Variants in GLT8D1 observed in about 807,000 individuals in gnomAD.
GLT8D1 encodes glycosyltransferase 8 domain containing 1.
A neutral mutation model predicts 46.2 loss-of-function variants in GLT8D1; 41 were observed. The observed-to-expected ratio is 0.89, with a 90% confidence interval of 0.69 to 1.15. The LOEUF is 1.15. Ranked by LOEUF, GLT8D1 falls within the 50% of genes most tolerant of loss-of-function variation. The pLI is 0.00. For missense variants in GLT8D1, 408 were observed against 449.3 expected, an observed-to-expected ratio of 0.91 and a Z score of 0.83; for synonymous variants, 150 against 154.2, an observed-to-expected ratio of 0.97 and a Z score of 0.20.
rs773644788 is a variant in GLT8D1 at position 52,696,601 on chromosome 3, G to T, written c.388C>A (p.Pro130Thr). 6 of 1,611,910 alleles carry T rather than the reference G, an allele frequency of 3.7e-6. No individual in the cohort carries two copies. The highest frequency in any genetic ancestry group is 5.1e-6 in the Non-Finnish European group (6 of 1,178,186). The change falls in exon 5 of 10, where the codon CCT (proline) becomes ACT (threonine). Residue 130 changes from proline to threonine, a missense_variant. Transcript: ENST00000266014. ...SIRYKIVNFD[P>T]KLLEGKVKED... Reference sequence around the variant, plus strand: ...TTTACTTTTCCTTCCAAAAGTTTAGGGTCAAAATTGACAATTTTGTATCTG... The same window carrying T: ...TTTACTTTTCCTTCCAAAAGTTTAGTGTCAAAATTGACAATTTTGTATCTG...
chr3:52,696,698 T>C lies in GLT8D1; in HGVS notation c.330-39A>G, dbSNP rs377675634. On this transcript the variant is annotated intron_variant, in intron 4 of 9. Transcript: ENST00000266014. ...AACACTACATTTTAGTTTCAAATAA[T>C]GTCTCCAAACCAATGAGGGAATAAT... is the stretch of plus-strand genomic sequence containing the variant. 11 of 1,123,328 alleles carry C rather than the reference T, an allele frequency of 9.8e-6. No individual in the cohort carries two copies. The South Asian group carries it at 1.4e-4, about 14-fold the overall frequency. The allele number at this position is 1,123,328 out of a possible 1,614,324, so 69.6% of individuals were successfully genotyped here.
intron 3 of GLT8D1, 30 bp downstream of exon 3, chr3:52,700,232 C>A: frequency 7.3e-7 from 1 of 1,371,990 alleles, no homozygotes; most frequent in South Asian, 1.2e-5. Flanking sequence ...GCAACAGATT[C>A]TAAGGCATTA....
chr3:52,703,789 A>G (rs969949240), intron 1 of GLT8D1: 1 of 152,224 alleles, frequency 6.6e-6, no homozygotes, highest in African/African-American at 2.4e-5. Flanking sequence ...AAACTTCCAC[A>G]GTTACCTACA....
Position 52,697,926 on chromosome 3 carries a change from T to C in GLT8D1, c.124A>G (p.Ile42Val). ...AAGTCTATAGGTTGAGGCCCTACAA[T>C]TCCTGAATCTGAAAACACAAGGAAG... ...LLRNEVTDSG[I>V]VGPQPIDFVP... The change falls in exon 4 of 10, where the codon ATT (isoleucine) becomes GTT (valine). Residue 42 changes from isoleucine to valine, a missense_variant. By Grantham distance (29) the Ile-to-Val change is conservative. Transcript: ENST00000266014. 6.2e-7 allele frequency: 1 copy of C among 1,605,750 alleles called. No individual in the cohort carries two copies. Among genetic ancestry groups the C allele is most frequent in the Non-Finnish European group, 8.5e-7 (1 of 1,172,382 alleles).
At chr3:52,698,780 AT>A (rs556608140) in intron 3 of GLT8D1, among the ~76,000 whole-genome samples, 269 of 145,132 alleles carry the variant, frequency 1.9e-3, no homozygotes, top group Middle Eastern at 3.5e-3. Context: ...CTTGCCTTTC[AT>A]TTTTTTTTTT....
intron 1 of GLT8D1, chr3:52,705,090 TGGGACCCAGA>T (rs1340377539): frequency 6.6e-6 from 1 of 152,316 alleles, no homozygotes; most frequent in African/African-American, 2.4e-5. Context: ...GAGAGCCAGC[TGGGACCCAGA>T]GGCCCGGGTT....
Position 52,697,650 on chromosome 3 carries a change from CAG to C in GLT8D1, c.329+69_329+70del, listed in dbSNP as rs2097335167. On this transcript the variant is annotated intron_variant, in intron 4 of 9. Transcript: ENST00000266014. ...AAACAACATACAAACCACAGAAAAA[CAG>C]ATCCTGGATTGGCAGCTGGCCTGCT... 12 of 997,782 alleles carry C rather than the reference CAG, an allele frequency of 1.2e-5. No individual in the cohort carries two copies. In the South Asian group the frequency reaches 1.5e-4, roughly 13 times the overall value. The allele number at this position is 997,782 out of a possible 1,614,324, so 61.8% of individuals were successfully genotyped here. A position where few individuals can be genotyped will look rare whatever the true frequency, so the allele number is the denominator to read the frequency against.
intron 4 of GLT8D1, among the ~76,000 whole-genome samples, chr3:52,697,207 C>T (rs1437412695): frequency 6.6e-6 from 1 of 152,166 alleles, no homozygotes; most frequent in Non-Finnish European, 1.5e-5. Context: ...ATTTGTTAGA[C>T]CAACAAATTT....
At chr3:52,699,010 C>A (rs1318073347) in intron 3 of GLT8D1, among the ~76,000 whole-genome samples, 2 of 151,882 alleles carry the variant, frequency 1.3e-5, no homozygotes, top group East Asian at 1.9e-4. Context: ...CCTGTGGAAA[C>A]AAATTAATAG....
intron 1 of GLT8D1, chr3:52,703,982 T>C (rs1159750728): frequency 6.6e-6 from 1 of 152,202 alleles, no homozygotes; most frequent in Non-Finnish European, 1.5e-5. Context: ...ACAATTTGAT[T>C]AGCAACACAG....
intron 5 of GLT8D1, 94 bp from the exon 6 acceptor site, chr3:52,696,412 G>A: frequency 1.9e-6 from 2 of 1,051,720 alleles, no homozygotes; most frequent in Non-Finnish European, 3.0e-6. Context: ...ACCCATTCAG[G>A]AGAAGAAAGG....
chr3:52,695,552 T>C lies in GLT8D1; in HGVS notation c.681A>G (p.Glu227=). Reference sequence around the variant, plus strand: ...CTTTCATGGAAAGCTTACGAATTCTTTCCTTTTTATAGTCAAGATAGCCAA... The same window carrying C: ...CTTTCATGGAAAGCTTACGAATTCTCTCCTTTTTATAGTCAAGATAGCCAA... ...NYIGYLDYKK[E]RIRKLSMKAS... is the part of the protein sequence containing the mutation. The change falls in exon 8 of 10, where the codon GAA becomes GAG. Residue 227 remains glutamate (E), a synonymous_variant. Transcript: ENST00000266014. 1 of 1,609,808 alleles carries C rather than the reference T, an allele frequency of 6.2e-7. No homozygotes were observed. The highest frequency in any genetic ancestry group is 8.5e-7 in the Non-Finnish European group (1 of 1,176,114).
At chr3:52,699,446 A>G (rs936746848) in intron 3 of GLT8D1, among the ~76,000 whole-genome samples, 2 of 151,936 alleles carry the variant, frequency 1.3e-5, no homozygotes, top group African/African-American at 2.4e-5. Flanking sequence ...CACCACGCCC[A>G]GCTAATTTTT....
chr3:52,698,690 AAAAAG>A (rs2097336523), intron 3 of GLT8D1, among the ~76,000 whole-genome samples: 1 of 152,112 alleles, frequency 6.6e-6, no homozygotes, highest in Non-Finnish European at 1.5e-5. Context: ...TCAAAAAAAA[AAAAAG>A]AAAACTGAAT....
chr3:52,696,447 TC>T (rs2097333697), intron 5 of GLT8D1, 94 bp downstream of exon 5: 2 of 999,268 alleles, frequency 2.0e-6, no homozygotes, highest in Non-Finnish European at 1.6e-6. Context: ...CCAGGCTTGG[TC>T]CCCAGGAAAC....
At chr3:52,696,467 C>G (rs544681823) in intron 5 of GLT8D1, 75 bp downstream of exon 5, 2 of 1,021,700 alleles carry the variant, frequency 2.0e-6, no homozygotes, top group Middle Eastern at 2.1e-4. Context: ...ACTACTTGCA[C>G]TATACCCACA....
intron 9 of GLT8D1, 44 bp from the exon 10 acceptor site, chr3:52,695,079 A>C: frequency 6.6e-7 from 1 of 1,506,968 alleles, no homozygotes. Flanking sequence ...CGCCATGTGA[A>C]ATTGTGCAGA....
In GLT8D1 at chr3:52,696,624, C is replaced by G. The variant is rs2097333932; in HGVS notation, c.365G>C (p.Arg122Thr). ...WLNSDSLKSIRYKIVNFDPKL... is the reference protein window; with the variant it reads ...WLNSDSLKSITYKIVNFDPKL... The stretch of plus-strand genomic sequence containing the variant: ...AGGGTCAAAATTGACAATTTTGTAT[C>G]TGATGCTTTTCAGGGAATCACTGTT... Residue 122 changes from arginine (R) to threonine (T), a missense_variant, in exon 5 of 10, where the codon AGA becomes ACA. Coordinates refer to ENST00000266014, the MANE Select transcript of GLT8D1 (RefSeq NM_018446.4). 6.2e-7 allele frequency: 1 copy of G among 1,608,994 alleles called. No homozygotes were observed. The highest frequency in any genetic ancestry group is 1.3e-5 in the African/African-American group (1 of 74,800).
rs1197250046 is a variant in GLT8D1 at position 52,705,776 on chromosome 3, G to T, written c.-366C>A. The stretch of plus-strand genomic sequence containing the variant: ...GCAGCGGTAACCGCTAGAGCGTCGC[G>T]CCAAGCAGGCGCCGCGGGGCAGCCC... On this transcript the variant is annotated 5_prime_UTR_variant, in exon 1 of 10. Transcript: ENST00000266014. 10 of 1,201,392 alleles carry T rather than the reference G, an allele frequency of 8.3e-6. No homozygotes were observed. The highest frequency in any genetic ancestry group is 1.1e-5 in the Non-Finnish European group (10 of 941,970). 74.4% of individuals were successfully genotyped at this position (1,201,392 alleles called of 1,614,324 possible).
Sources: gnomAD v4.1 joint callset for allele counts (sites outside exome capture counted in the v4.1 genomes callset) on GRCh38, gnomAD v4.1.1 for gene constraint, MANE v1.5 for transcripts, NCBI Gene and HGNC (gene_info 2026-07-23, HGNC 2026-07-21) for gene names.